Variants in WNT7A observed in about 807,000 individuals in gnomAD.
The protein encoded by WNT7A is Wnt family member 7A, also known as protein Wnt-7a.
In WNT7A, 16 loss-of-function variants were observed where a neutral mutation model predicts 28.2. That is an observed-to-expected ratio of 0.57 (90% CI 0.38 to 0.86). WNT7A has a LOEUF of 0.86. Among genes scored for constraint, WNT7A ranks in the 40% least tolerant of loss-of-function variants. The pLI, the probability that WNT7A is intolerant of heterozygous loss-of-function variation, is 0.00. For missense variants in WNT7A, 411 were observed against 489.7 expected (o/e 0.84, Z 1.52); for synonymous variants, 190 against 195.9 (o/e 0.97, Z 0.25).
chr3:13,849,029 G>A lies in WNT7A; in HGVS notation c.570+5503C>T, dbSNP rs111690251. Among the ~76,000 whole-genome samples the A allele has an allele frequency of 1.2e-4, 19 of 152,324 alleles. 1 individual carries two copies. The highest frequency in any genetic ancestry group is 5.8e-4 in the East Asian group (3 of 5,196). ...CTGTAAGACCCACCTATGTAACATCGTTAAAATAATGAAAGTATACAAGTG... is the reference window on the plus strand; with the variant it reads ...CTGTAAGACCCACCTATGTAACATCATTAAAATAATGAAAGTATACAAGTG... On this transcript the variant is annotated intron_variant, in intron 3 of 3. Coordinates refer to ENST00000285018, the MANE Select transcript of WNT7A (RefSeq NM_004625.4).
At chr3:13,856,029 G>T (rs1214332622) in intron 2 of WNT7A, among the ~76,000 whole-genome samples, 2 of 152,164 alleles carry the variant, frequency 1.3e-5, no homozygotes, top group African/African-American at 4.8e-5. Context: ...CTCCCCAGGA[G>T]GGGGAGACAG....
chr3:13,865,204 C>A (rs530833053), intron 2 of WNT7A, among the ~76,000 whole-genome samples: 12 of 152,316 alleles, frequency 7.9e-5, no homozygotes, highest in Non-Finnish European at 1.6e-4. Context: ...GTCTTATCTA[C>A]AGGACATTTC....
At chr3:13,849,039 T>C (rs79121321) in intron 3 of WNT7A, among the ~76,000 whole-genome samples, 3,284 of 152,308 alleles carry the variant, frequency 0.022, 152 homozygotes, top group South Asian at 0.18. Flanking sequence ...GTTAAAATAA[T>C]GAAAGTATAC....
At position 13,837,538 on chromosome 3, in the gene WNT7A, G is replaced by GTGAATGAATGAA. The variant is rs59047870; in HGVS notation, c.570+16982_570+16993dup. ...CACCCAGCAAGCATTTTCTGGGTGA[G>GTGAATGAATGAA]TGAATGAATGAATGAATGAATGAAT... On this transcript the variant is annotated intron_variant, in intron 3 of 3. Transcript: ENST00000285018. 4.1e-3 allele frequency among the ~76,000 whole-genome samples: 621 copies of GTGAATGAATGAA among 149,888 alleles called. 3 individuals carry two copies. Among genetic ancestry groups the GTGAATGAATGAA allele is most frequent in the African/African-American group, 0.014 (560 of 40,756 alleles).
intron 2 of WNT7A, among the ~76,000 whole-genome samples, chr3:13,863,491 G>A (rs1163873537): frequency 6.6e-6 from 1 of 152,088 alleles, no homozygotes; most frequent in African/African-American, 2.4e-5. Flanking sequence ...CTGCCTGCCT[G>A]CCTGTCTACC....
chr3:13,838,551 C>G (rs908533969), intron 3 of WNT7A, among the ~76,000 whole-genome samples: 39 of 152,302 alleles, frequency 2.6e-4, no homozygotes, highest in African/African-American at 7.2e-4. Context: ...CCTAAAAAAC[C>G]ATCTCAGGGC....
intron 2 of WNT7A, among the ~76,000 whole-genome samples, chr3:13,855,748 T>C (rs1433354): frequency 0.42 from 63,837 of 151,998 alleles, 15,784 homozygotes; most frequent in East Asian, 0.83. Context: ...AAGCCCTGTG[T>C]GTGGTATAAG....
intron 3 of WNT7A, among the ~76,000 whole-genome samples, chr3:13,819,862 A>C (rs1299512027): frequency 6.6e-6 from 1 of 152,176 alleles, no homozygotes; most frequent in Non-Finnish European, 1.5e-5. Context: ...TTTAAACTTT[A>C]TTCACCTACA....
Position 13,875,017 on chromosome 3 carries a change from C to A in WNT7A, c.228G>T (p.Gln76His). Residue 76 changes from glutamine to histidine, a missense_variant, in exon 2 of 4, where the codon CAG becomes CAT. Gln to His is a conservative substitution (Grantham distance 24, BLOSUM62 0). Coordinates refer to ENST00000285018, the MANE Select transcript of WNT7A (RefSeq NM_004625.4). ...AGCAGTTCCAGCGGCCATTGCGGAA[C>A]TGAAACTGACACTCGTCCAGGCCCA... ...SQMGLDECQFQFRNGRWNCSA... is the reference protein window; with the variant it reads ...SQMGLDECQFHFRNGRWNCSA... The A allele has an allele frequency of 6.2e-7, 1 of 1,614,228 alleles. No individual in the cohort carries two copies. The highest frequency in any genetic ancestry group is 1.1e-5 in the South Asian group (1 of 91,086).
chr3:13,829,780 G>C (rs1694248776), intron 3 of WNT7A, among the ~76,000 whole-genome samples: 1 of 152,152 alleles, frequency 6.6e-6, no homozygotes, highest in Non-Finnish European at 1.5e-5. Context: ...GAAGTCCCTG[G>C]AGTGAAAGCC....
chr3:13,878,272 T>C (rs1434400909), intron 1 of WNT7A, among the ~76,000 whole-genome samples: 2 of 151,926 alleles, frequency 1.3e-5, no homozygotes, highest in Non-Finnish European at 2.9e-5. Context: ...GCCACCCGTG[T>C]CCCTCCTCCC....
intron 2 of WNT7A, among the ~76,000 whole-genome samples, chr3:13,858,540 A>G (rs1284626620): frequency 6.6e-6 from 1 of 152,040 alleles, no homozygotes; most frequent in Non-Finnish European, 1.5e-5. Context: ...TGAGGTGGGG[A>G]AGGGCAGCTG....
chr3:13,863,953 A>T (rs1229916046), intron 2 of WNT7A: 1 of 152,172 alleles, frequency 6.6e-6, no homozygotes, highest in Non-Finnish European at 1.5e-5. Flanking sequence ...AAGTGGTGAC[A>T]AATTCTACAG....
intron 2 of WNT7A, among the ~76,000 whole-genome samples, chr3:13,868,592 G>GAAGAAAGAAAGAA (rs1559306974): frequency 1.2e-4 from 2 of 16,910 alleles, no homozygotes; most frequent in African/African-American, 6.7e-4. Context: ...GAGAGAGAGG[G>GAAGAAAGAAAGAA]AGAAAGAAAG....
rs1695179317 is a variant in WNT7A, at chr3:13,879,780, A to G, written c.37T>C (p.Phe13Leu). Residue 13 changes from phenylalanine (F) to leucine (L), a missense_variant, in exon 1 of 4, where the codon TTT (phenylalanine) becomes CTT (leucine). By Grantham distance (22) the Phe-to-Leu change is conservative (BLOSUM62 0). Transcript: ENST00000285018. The stretch of plus-strand genomic sequence containing the variant: ...AGGTAGACCATGCCCAGGCTGAGAA[A>G]GAGGTGGCCCAGGCAGCGCCGCGCT... ...RKARRCLGHL[F>L]LSLGMVYLRI... 1.2e-6 allele frequency: 2 copies of G among 1,612,460 alleles called. No homozygotes were observed. Among genetic ancestry groups the G allele is most frequent in the African/African-American group, 1.3e-5 (1 of 74,900 alleles).
rs189191436 is a variant in WNT7A, at chr3:13,833,078, C to G, written c.571-13655G>C. The stretch of plus-strand genomic sequence containing the variant: ...TTCATCTCTTTCTAGGCTCCTACCC[C>G]CCCAGTAACCTGTGTGGCCTGCACA... On this transcript the variant is annotated intron_variant, in intron 3 of 3. Coordinates refer to ENST00000285018, the MANE Select transcript of WNT7A (RefSeq NM_004625.4). Among the ~76,000 whole-genome samples, 614 of 152,204 alleles carry G rather than the reference C, an allele frequency of 4.0e-3. 6 individuals are homozygous for G. The highest frequency in any genetic ancestry group is 0.031 in the Middle Eastern group (9 of 294).
chr3:13,836,200 TAAA>T (rs200750554), intron 3 of WNT7A, among the ~76,000 whole-genome samples: 57 of 134,928 alleles, frequency 4.2e-4, no homozygotes, highest in Middle Eastern at 3.8e-3. Flanking sequence ...AGCTGGTTTT[TAAA>T]AAAAAAAAAA....
chr3:13,868,688 GAGAGAAAGAA>G (rs1559307121), intron 2 of WNT7A, among the ~76,000 whole-genome samples: 4 of 66,062 alleles, frequency 6.1e-5, no homozygotes, highest in African/African-American at 2.7e-4. Context: ...GGGAGAGAGA[GAGAGAAAGAA>G]AGAAAGAAAG....
chr3:13,822,513 T>C (rs183288381), intron 3 of WNT7A, among the ~76,000 whole-genome samples: 14 of 152,288 alleles, frequency 9.2e-5, no homozygotes, highest in South Asian at 6.2e-4. Flanking sequence ...ATGCCTAGAA[T>C]AGGCAGATCC....
Sources: gnomAD v4.1 joint callset for allele counts (sites outside exome capture counted in the v4.1 genomes callset) on GRCh38, gnomAD v4.1.1 for gene constraint, MANE v1.5 for transcripts, NCBI Gene and HGNC (gene_info 2026-07-23, HGNC 2026-07-21) for gene names.